Variants in PCDHA1 observed in about 807,000 individuals in gnomAD.
The protein encoded by PCDHA1 is protocadherin alpha-1.
A neutral mutation model predicts 61.3 loss-of-function variants in PCDHA1; 42 were observed. The ratio of observed to expected loss-of-function variants is 0.69; its 90% CI spans 0.54 to 0.89. The LOEUF is 0.89. Ranked by LOEUF, PCDHA1 falls within the 40% of genes least tolerant of loss-of-function variation. PCDHA1 has a pLI of 0.00. For synonymous variants in PCDHA1, 610 were observed against 553.8 expected (o/e 1.10, Z -1.43); for missense variants, 1,256 against 1,235.3 (o/e 1.02, Z -0.25).
At chr5:140,884,267 T>C in intron 1 of PCDHA1, 3 of 1,613,566 alleles carry the variant, frequency 1.9e-6, no homozygotes, top group South Asian at 1.1e-5. Context: ...AACGGTGCTG[T>C]TGTCGCTGGT....
At chr5:140,843,026 C>T in intron 1 of PCDHA1, 2 of 1,595,146 alleles carry the variant, frequency 1.3e-6, no homozygotes, top group Non-Finnish European at 1.7e-6. Context: ...GCTGGAGCCT[C>T]GGGTGGGTGG....
At position 140,829,995 on chromosome 5, in the gene PCDHA1, G is replaced by C. The variant is rs1297305883; in HGVS notation, c.2394+41311G>C. On this transcript the variant is annotated intron_variant, in intron 1 of 3. Transcript: ENST00000504120. ...TACACGGGCGAGATCAGCACCACTCGTGTCCTGGACGAAGCGGACTCTCCG... is the reference window on the plus strand; with the variant it reads ...TACACGGGCGAGATCAGCACCACTCCTGTCCTGGACGAAGCGGACTCTCCG... 2 of 1,613,982 alleles carry C rather than the reference G, an allele frequency of 1.2e-6. No homozygotes were observed. The highest frequency in any genetic ancestry group is 3.3e-5 in the Admixed American group (2 of 60,034).
chr5:140,915,832 A>T (rs1297251550), intron 1 of PCDHA1, among the ~76,000 whole-genome samples: 1 of 152,084 alleles, frequency 6.6e-6, no homozygotes, highest in Non-Finnish European at 1.5e-5. Context: ...GGGCTCTAAG[A>T]TCAGCAGGGG....
Position 140,856,069 on chromosome 5 carries a change from C to A in PCDHA1, c.2394+67385C>A, listed in dbSNP as rs149846721. ...ATAAGATGGTTTCCAGATGTAGCTG[C>A]CTGGGGGTCCAGTGTCTGCTGCTCT... On this transcript the variant is annotated intron_variant, in intron 1 of 3. Coordinates refer to ENST00000504120, the MANE Select transcript of PCDHA1 (RefSeq NM_018900.4). 5 of 1,591,600 alleles carry A rather than the reference C, an allele frequency of 3.1e-6. 1 individual carries two copies. Among genetic ancestry groups the A allele is most frequent in the Non-Finnish European group, 4.3e-6 (5 of 1,163,516 alleles).
chr5:140,905,047 C>A (rs2071568223), intron 1 of PCDHA1, among the ~76,000 whole-genome samples: 1 of 152,076 alleles, frequency 6.6e-6, no homozygotes, highest in Non-Finnish European at 1.5e-5. Context: ...TTAATTAGGT[C>A]CCATTTATTT....
At chr5:140,923,219 CGTTTG>C (rs2081242278) in intron 1 of PCDHA1, among the ~76,000 whole-genome samples, 3 of 151,974 alleles carry the variant, frequency 2.0e-5, no homozygotes, top group Admixed American at 1.3e-4. Context: ...GTGAAAGGAT[CGTTTG>C]AGCCCAGAAG....
intron 1 of PCDHA1, chr5:140,857,702 G>C: frequency 6.3e-7 from 1 of 1,597,414 alleles, no homozygotes; most frequent in Non-Finnish European, 8.6e-7. Context: ...GACGCTGCAG[G>C]TGTTCGTGCT....
intron 1 of PCDHA1, among the ~76,000 whole-genome samples, chr5:140,936,450 T>C (rs1217629620): frequency 6.6e-6 from 1 of 152,234 alleles, no homozygotes; most frequent in Non-Finnish European, 1.5e-5. Context: ...TAACCACATC[T>C]GTTTAGTGGT....
chr5:140,933,314 G>A (rs925777839), intron 1 of PCDHA1, among the ~76,000 whole-genome samples: 2 of 151,914 alleles, frequency 1.3e-5, no homozygotes, highest in Non-Finnish European at 2.9e-5. Flanking sequence ...ATGCAATCTC[G>A]TATTCTCCTG....
chr5:140,882,132 A>C, intron 1 of PCDHA1: 1 of 1,475,878 alleles, frequency 6.8e-7, no homozygotes. Flanking sequence ...TTCTTCCTGC[A>C]GAAAATATAG....
intron 1 of PCDHA1, chr5:140,967,767 A>G (rs782195052): frequency 1.2e-6 from 2 of 1,614,216 alleles, no homozygotes; most frequent in East Asian, 2.2e-5. Context: ...TACCAGATCT[A>G]TGTGCAGGCG....
chr5:140,965,440 T>C (rs1028835719), intron 1 of PCDHA1, among the ~76,000 whole-genome samples: 42 of 151,984 alleles, frequency 2.8e-4, no homozygotes, highest in Admixed American at 1.3e-4. Context: ...GTCATTGAAA[T>C]TGCTGGTTAT....
At chr5:140,795,128 A>G in intron 1 of PCDHA1, 1 of 1,613,986 alleles carries the variant, frequency 6.2e-7, no homozygotes, top group Non-Finnish European at 8.5e-7. Context: ...CTGGGGCTGG[A>G]GCTGGAGGAG....
At chr5:140,809,734 A>AAT (rs1191296729) in intron 1 of PCDHA1, 21 of 734,044 alleles carry the variant, frequency 2.9e-5, no homozygotes, top group Non-Finnish European at 4.3e-5. Flanking sequence ...ACATCAGAGC[A>AAT]ATATATATTG....
rs1482950920 is a variant in PCDHA1 at position 140,867,382 on chromosome 5, CG to C, written c.2394+78700del. On this transcript the variant is annotated intron_variant, in intron 1 of 3. Coordinates refer to ENST00000504120, the MANE Select transcript of PCDHA1 (RefSeq NM_018900.4). ...TTTTACAGATGCGTAATGGAATTAA[CG>C]GTTATAAAAGTTGATATGTCTCCTT... 4 of 152,124 alleles carry C rather than the reference CG, an allele frequency of 2.6e-5. No individual in the cohort carries two copies. In the East Asian group the frequency reaches 7.7e-4, roughly 29 times the overall value. 9.4% of individuals were successfully genotyped at this position (152,124 alleles called of 1,614,324 possible).
intron 1 of PCDHA1, among the ~76,000 whole-genome samples, chr5:140,891,204 C>T (rs2153433269): frequency 6.6e-6 from 1 of 152,078 alleles, no homozygotes; most frequent in South Asian, 2.1e-4. Flanking sequence ...GCAGTTTTAC[C>T]ATGCTGTGTC....
At position 140,788,135 on chromosome 5, in the gene PCDHA1, A is replaced by C. The variant is rs945534167; in HGVS notation, c.1845A>C (p.Ala615=). ...TGTCCTATGAACTGCAGCCGGCAGC[A>C]GGCGGCGCGCGCATCCCGTTCCGCG... The part of the protein sequence containing the change: ...AWLSYELQPA[A]GGARIPFRVG... The change falls in exon 1 of 4, where the codon GCA becomes GCC. Residue 615 remains alanine (A), a synonymous_variant. Transcript: ENST00000504120. 3.1e-6 allele frequency: 5 copies of C among 1,613,794 alleles called. No individual in the cohort carries two copies. In the African/African-American group the frequency reaches 6.7e-5, roughly 22 times the overall value.
intron 3 of PCDHA1, among the ~76,000 whole-genome samples, chr5:140,988,245 G>C (rs17286877): frequency 0.027 from 4,184 of 152,286 alleles, 88 homozygotes; most frequent in Non-Finnish European, 0.043. Flanking sequence ...GAGTGGGGCA[G>C]CTCCCGCCTG....
At chr5:140,995,653 G>A (rs964259982) in intron 3 of PCDHA1, among the ~76,000 whole-genome samples, 1 of 152,100 alleles carries the variant, frequency 6.6e-6, no homozygotes, top group Non-Finnish European at 1.5e-5. Context: ...AAGGAGAATC[G>A]AAAAGGGAAG....
Sources: allele counts gnomAD v4.1 joint callset (sites outside exome capture counted in the v4.1 genomes callset), GRCh38; gene constraint gnomAD v4.1.1; transcripts MANE v1.5; gene names NCBI Gene and HGNC (gene_info 2026-07-23, HGNC 2026-07-21).